RPH3AL: variants seen among roughly 807,000 people sequenced by gnomAD.
RPH3AL encodes rabphilin 3A like (without C2 domains).
RPH3AL carries 38 observed loss-of-function variants against 43.1 expected under a neutral mutation model. The ratio of observed to expected loss-of-function variants is 0.88; its 90% CI spans 0.68 to 1.15. RPH3AL has a LOEUF of 1.15. Among genes scored for constraint, RPH3AL ranks in the 50% most tolerant of loss-of-function variants. RPH3AL has a pLI of 0.00. For synonymous variants in RPH3AL, 189 were observed against 176.3 expected, an observed-to-expected ratio of 1.07 and a Z score of -0.57; for missense variants, 462 against 423.2, an observed-to-expected ratio of 1.09 and a Z score of -0.81.
chr17:289,575 C>T lies in RPH3AL; in HGVS notation c.352-7721G>A, dbSNP rs2042998558. 1.3e-5 allele frequency among the ~76,000 whole-genome samples: 2 copies of T among 152,188 alleles called. No individual in the cohort carries two copies. Among genetic ancestry groups the T allele is most frequent in the Non-Finnish European group, 1.5e-5 (1 of 68,046 alleles). On this transcript the variant is annotated intron_variant, in intron 5 of 9. Coordinates refer to ENST00000331302, the MANE Select transcript of RPH3AL (RefSeq NM_006987.4). This position sits in a 1 kb window ranked among gnomAD's most constrained non-coding sequence, Gnocchi z 5.2. ...AGAGGCAAATCTAATCATGTCACCT[C>T]TCCCATCCCTCCCAACTTAAAAGCC...
intron 5 of RPH3AL, among the ~76,000 whole-genome samples, chr17:302,202 G>A (rs894927245): frequency 2.0e-5 from 3 of 152,244 alleles, no homozygotes; most frequent in Admixed American, 1.3e-4. Context: ...CGAGCTGCCT[G>A]GGAGGAAACC....
At chr17:314,938 C>A (rs1304310011) in intron 5 of RPH3AL, among the ~76,000 whole-genome samples, 19 of 137,862 alleles carry the variant, frequency 1.4e-4, no homozygotes, top group East Asian at 2.4e-4. Flanking sequence ...CCTCCATTGA[C>A]CTGTAGTCTC....
chr17:325,294 A>G (rs184050838), intron 3 of RPH3AL, among the ~76,000 whole-genome samples: 3 of 152,254 alleles, frequency 2.0e-5, no homozygotes, highest in Admixed American at 1.3e-4. Flanking sequence ...GGGCTGACAC[A>G]TTATTACGAG....
At chr17:324,614 C>G (rs2044566179) in intron 3 of RPH3AL, among the ~76,000 whole-genome samples, 1 of 152,220 alleles carries the variant, frequency 6.6e-6, no homozygotes, top group South Asian at 2.1e-4. Flanking sequence ...GCACCCTTCA[C>G]CTGGGGCCCC....
chr17:283,319 C>T lies in RPH3AL; in HGVS notation c.352-1465G>A, dbSNP rs1567612611. 6.6e-6 allele frequency among the ~76,000 whole-genome samples: 1 copy of T among 152,154 alleles called. No homozygotes were observed. The highest frequency in any genetic ancestry group is 1.5e-5 in the Non-Finnish European group (1 of 68,026). On this transcript the variant is annotated intron_variant, in intron 5 of 9. Coordinates refer to ENST00000331302, the MANE Select transcript of RPH3AL (RefSeq NM_006987.4). The surrounding 1 kb of genome is among the most constrained non-coding windows in gnomAD (Gnocchi z 4.2). Reference sequence around the variant, plus strand: ...AGCGTGTGGAGGTCACTGGCCTGATCGGGTGGCCGAGCTCAGTGCCCCTGG... The same window carrying T: ...AGCGTGTGGAGGTCACTGGCCTGATTGGGTGGCCGAGCTCAGTGCCCCTGG...
At chr17:321,223 C>T in intron 4 of RPH3AL, 49 bp downstream of exon 4, 1 of 1,580,600 alleles carries the variant, frequency 6.3e-7, no homozygotes, top group Non-Finnish European at 8.6e-7. Context: ...TGCGCTTGCG[C>T]CAAAGCCCTT....
Position 323,541 on chromosome 17 carries a change from C to T in RPH3AL, c.78-2126G>A, listed in dbSNP as rs1212705087. Among the ~76,000 whole-genome samples the T allele has an allele frequency of 1.3e-5, 2 of 152,332 alleles. No homozygotes were observed. The highest frequency in any genetic ancestry group is 2.4e-5 in the African/African-American group (1 of 41,568). ...GGGGTCAGTGATGGGCCAGGACACA[C>T]TTCGTGTGGTTCCCGGGCCAGGGGA... On this transcript the variant is annotated intron_variant, in intron 3 of 9. Coordinates refer to ENST00000331302, the MANE Select transcript of RPH3AL (RefSeq NM_006987.4). This position sits in a 1 kb window ranked among gnomAD's most constrained non-coding sequence, Gnocchi z 4.4.
intron 5 of RPH3AL, among the ~76,000 whole-genome samples, chr17:298,852 T>C (rs112896354): frequency 6.6e-6 from 1 of 152,044 alleles, no homozygotes; most frequent in African/African-American, 2.4e-5. Context: ...GGACCCTGGT[T>C]ATGCACAGAA....
intron 6 of RPH3AL, among the ~76,000 whole-genome samples, chr17:280,596 G>C (rs1598003873): frequency 6.6e-6 from 1 of 152,196 alleles, no homozygotes; most frequent in South Asian, 2.1e-4. Context: ...TATCACACAG[G>C]ATGAGCGCAC....
At chr17:293,650 T>C (rs1324050444) in intron 5 of RPH3AL, among the ~76,000 whole-genome samples, 3 of 151,986 alleles carry the variant, frequency 2.0e-5, no homozygotes, top group Non-Finnish European at 4.4e-5. Flanking sequence ...GCACCGGTGA[T>C]GGGAGCACGG....
rs1451042509 is a variant in RPH3AL, at chr17:264,270, C to T, written c.439-16985G>A. On this transcript the variant is annotated intron_variant, in intron 6 of 9. Transcript: ENST00000331302. This position sits in a 1 kb window ranked among gnomAD's most constrained non-coding sequence, Gnocchi z 4.8. ...TCTGGCTGACAGCAGGATTACCCTT[C>T]GGAGCCGCGAGCGCTGGATGGGGAC... is the stretch of plus-strand genomic sequence containing the variant. 6.6e-6 allele frequency among the ~76,000 whole-genome samples: 1 copy of T among 150,974 alleles called. No individual in the cohort carries two copies. Among genetic ancestry groups the T allele is most frequent in the African/African-American group, 2.5e-5 (1 of 40,570 alleles).
chr17:316,240 C>G (rs2044168668), intron 5 of RPH3AL, among the ~76,000 whole-genome samples: 5 of 137,080 alleles, frequency 3.6e-5, no homozygotes, highest in African/African-American at 1.3e-4. Context: ...TGTGCCCCCA[C>G]CTCCATTGAC....
chr17:351,458 A>C (rs1463594239), intron 1 of RPH3AL, among the ~76,000 whole-genome samples: 1 of 152,104 alleles, frequency 6.6e-6, no homozygotes, highest in Admixed American at 6.5e-5. Context: ...ACCTGCTGCA[A>C]CCAAAATAGA....
intron 5 of RPH3AL, among the ~76,000 whole-genome samples, chr17:310,316 G>T (rs533000293): frequency 3.9e-5 from 6 of 152,160 alleles, no homozygotes; most frequent in Non-Finnish European, 8.8e-5. Context: ...TCCGAGGACC[G>T]GCATCTCGGC....
At chr17:286,015 C>T (rs2042900369) in intron 5 of RPH3AL, among the ~76,000 whole-genome samples, 1 of 152,198 alleles carries the variant, frequency 6.6e-6, no homozygotes. Context: ...CCCGGGATGC[C>T]CTCAACACTT....
At chr17:259,804 AGCTCACG>A (rs1475229280) in intron 6 of RPH3AL, among the ~76,000 whole-genome samples, 35 of 152,370 alleles carry the variant, frequency 2.3e-4, no homozygotes, top group Middle Eastern at 3.4e-3. Context: ...TTACGGTTTC[AGCTCACG>A]GCCAATCTGA....
At chr17:342,346 C>T (rs1270886944) in intron 1 of RPH3AL, among the ~76,000 whole-genome samples, 1 of 152,202 alleles carries the variant, frequency 6.6e-6, no homozygotes, top group Non-Finnish European at 1.5e-5. Context: ...CCAACAATTT[C>T]GCTCCCAGGT....
intron 7 of RPH3AL, among the ~76,000 whole-genome samples, chr17:244,206 G>A (rs552217077): frequency 1.0e-5 from 1 of 96,918 alleles, no homozygotes; most frequent in African/African-American, 3.8e-5. Context: ...TTCCTCTATT[G>A]ATCACCTTCC....
rs7207457 is a variant in RPH3AL, at chr17:215,841, C to A, written c.728-39G>T. 5.5e-5 allele frequency: 71 copies of A among 1,294,786 alleles called. 1 individual carries two copies. The highest frequency in any genetic ancestry group is 6.8e-5 in the Non-Finnish European group (69 of 1,017,976). The allele number at this position is 1,294,786 out of a possible 1,614,324, so 80.2% of individuals were successfully genotyped here. A position where few individuals can be genotyped will look rare whatever the true frequency, so the allele number is the denominator to read the frequency against. On this transcript the variant is annotated intron_variant, in intron 8 of 9. Coordinates refer to ENST00000331302, the MANE Select transcript of RPH3AL (RefSeq NM_006987.4). This position sits in a 1 kb window ranked among gnomAD's most constrained non-coding sequence, Gnocchi z 4.1. ...CGTGTGGGCCCCGTGGATCTCAAAC[C>A]GAGACGGGGTGATCTCAGTCCAGTT...
Sources: allele counts gnomAD v4.1 joint callset (sites outside exome capture counted in the v4.1 genomes callset), GRCh38; gene constraint gnomAD v4.1.1; non-coding constraint Gnocchi (gnomAD v3.1); transcripts MANE v1.5; gene names NCBI Gene and HGNC (gene_info 2026-07-23, HGNC 2026-07-21).